The following DOP1B variants were observed in gnomAD, a reference collection of about 807,000 sequenced individuals.
The protein encoded by DOP1B is DOP1 leucine zipper like protein B, also known as protein DOP1B.
Under a neutral mutation model 233.5 loss-of-function variants are expected in DOP1B, and 174 were observed. That is an observed-to-expected ratio of 0.75 (90% CI 0.66 to 0.85). The LOEUF is 0.85. Ranked by LOEUF, DOP1B falls within the 40% of genes least tolerant of loss-of-function variation. The probability of loss-of-function intolerance (pLI) is 0.00; values close to 1 mark genes in which losing one functional copy is unlikely to be tolerated. For synonymous variants in DOP1B, 1,190 were observed against 1,185.6 expected (o/e 1.00, Z -0.08); for missense variants, 2,652 against 2,846.6 (o/e 0.93, Z 1.56).
Position 36,199,191 on chromosome 21 carries a change from A to G in DOP1B, c.260A>G (p.Tyr87Cys), listed in dbSNP as rs1203653162. The G allele has an allele frequency of 6.2e-7, 1 of 1,614,142 alleles. No homozygotes were observed. The highest frequency in any genetic ancestry group is 8.5e-7 in the Non-Finnish European group (1 of 1,180,020). ...GTCCACTTAAAAGCTCTGGAAACCT[A>G]CGAGATTATCTTTAAAATCGTGGGG... The part of the protein sequence containing the change: ...SGVHLKALET[Y>C]EIIFKIVGTK... The change falls in exon 3 of 37, where the codon TAC becomes TGC. Residue 87 changes from tyrosine to cysteine, a missense_variant. Physicochemically the swap from Tyr to Cys is radical, Grantham distance 194. Transcript: ENST00000691173.
At chr21:36,240,077 G>T (rs1239340354) in intron 18 of DOP1B, 122 bp downstream of exon 18, 4 of 1,193,670 alleles carry the variant, frequency 3.4e-6, no homozygotes, top group Non-Finnish European at 4.5e-6. Flanking sequence ...ATGGTACTTT[G>T]TAAATTGTGA....
Position 36,245,337 on chromosome 21 carries a change from C to T in DOP1B, c.3357C>T (p.His1119=), listed in dbSNP as rs147679165. ...HTESADTSSC[H]TDSENTSSFS... The stretch of plus-strand genomic sequence containing the variant: ...AGTCTGCAGATACAAGCTCCTGCCA[C>T]ACGGACAGCGAGAACACGTCCTCCT... Residue 1119 remains histidine (H), a synonymous_variant, in exon 19 of 37, where the codon CAC becomes CAT. Transcript: ENST00000691173. This position sits in a 1 kb window ranked among gnomAD's most constrained non-coding sequence, Gnocchi z 5.5. 1 of 1,614,108 alleles carries T rather than the reference C, an allele frequency of 6.2e-7. No individual in the cohort carries two copies. Among genetic ancestry groups the T allele is most frequent in the East Asian group, 2.2e-5 (1 of 44,878 alleles).
At chr21:36,218,523 CA>C (rs879638143) in intron 9 of DOP1B, among the ~76,000 whole-genome samples, 2 of 151,174 alleles carry the variant, frequency 1.3e-5, no homozygotes, top group Non-Finnish European at 3.0e-5. Context: ...ACTCTGTCTC[CA>C]AAAAAAATAA....
intron 33 of DOP1B, 30 bp from the exon 34 acceptor site, chr21:36,288,726 G>T: frequency 3.2e-6 from 5 of 1,550,346 alleles, no homozygotes; most frequent in Non-Finnish European, 3.5e-6. Flanking sequence ...ATCTGTCTCA[G>T]ATAGTAACTT....
At chr21:36,178,324 C>G (rs977318813) in intron 2 of DOP1B, among the ~76,000 whole-genome samples, 1 of 152,030 alleles carries the variant, frequency 6.6e-6, no homozygotes, top group African/African-American at 2.4e-5. Flanking sequence ...AACCCCATCT[C>G]TACAAAAACA....
intron 26 of DOP1B, among the ~76,000 whole-genome samples, chr21:36,267,552 C>A (rs1257313122): frequency 6.6e-6 from 1 of 151,470 alleles, no homozygotes; most frequent in African/African-American, 2.4e-5. Flanking sequence ...GATGTGGTGG[C>A]ATGCACCTGT....
chr21:36,260,339 C>G (rs146609879), intron 23 of DOP1B, among the ~76,000 whole-genome samples: 1 of 152,194 alleles, frequency 6.6e-6, no homozygotes, highest in Non-Finnish European at 1.5e-5. Flanking sequence ...CATATGCATT[C>G]ACTGGAGTCA....
intron 10 of DOP1B, among the ~76,000 whole-genome samples, chr21:36,221,003 G>T (rs979385756): frequency 6.6e-6 from 1 of 152,066 alleles, no homozygotes; most frequent in Admixed American, 6.6e-5. Flanking sequence ...TAGAGACAAG[G>T]TCTTGCTATG....
intron 2 of DOP1B, among the ~76,000 whole-genome samples, chr21:36,171,937 A>T (rs745508437): frequency 6.6e-6 from 1 of 152,202 alleles, no homozygotes; most frequent in African/African-American, 2.4e-5. Context: ...GTGATGTCAG[A>T]TGCTGAATGC....
intron 23 of DOP1B, among the ~76,000 whole-genome samples, chr21:36,256,657 C>T (rs756932838): frequency 3.3e-5 from 5 of 151,888 alleles, no homozygotes; most frequent in South Asian, 2.1e-4. Flanking sequence ...AATTCTGACA[C>T]GTGCTACACA....
chr21:36,251,221 G>C lies in DOP1B; in HGVS notation c.5058G>C (p.Gln1686His). The C allele has an allele frequency of 6.2e-7, 1 of 1,614,030 alleles. No homozygotes were observed. The highest frequency in any genetic ancestry group is 1.3e-5 in the African/African-American group (1 of 75,010). Residue 1686 changes from glutamine (Q) to histidine (H), a missense_variant, in exon 22 of 37, where the codon CAG (glutamine) becomes CAC (histidine). By Grantham distance (24) the Gln-to-His change is conservative. Transcript: ENST00000691173. The part of the protein sequence containing the change: ...LNPLTAHLGV[Q>H]LTAAVAAVWS... ...CCTTGACGGCCCATCTTGGGGTTCA[G>C]TTGACAGCGGCTGTTGCGGCAGTGT...
At position 36,278,242 on chromosome 21, in the gene DOP1B, T is replaced by C. The variant is rs2067376800; in HGVS notation, c.5856T>C (p.Ala1952=). 1 of 1,614,008 alleles carries C rather than the reference T, an allele frequency of 6.2e-7. No individual in the cohort carries two copies. The highest frequency in any genetic ancestry group is 8.5e-7 in the Non-Finnish European group (1 of 1,180,032). ...ATGCTCCCAGCTTCCGGGCTGGCGC[T>C]CAGCTGCTGAGCTCCCTGAGTGGCT... ...AYNAPSFRAG[A]QLLSSLSGYA... The change falls in exon 30 of 37, where the codon GCT becomes GCC. Residue 1952 remains alanine (A), a synonymous_variant. Coordinates refer to ENST00000691173, the MANE Select transcript of DOP1B (RefSeq NM_001320714.2).
chr21:36,162,016 G>C (rs1042716060), intron 1 of DOP1B, among the ~76,000 whole-genome samples: 1 of 152,150 alleles, frequency 6.6e-6, no homozygotes, highest in Admixed American at 6.6e-5. Context: ...GTTAATTCAG[G>C]CTGCTCCAAT....
intron 2 of DOP1B, among the ~76,000 whole-genome samples, chr21:36,178,661 G>A (rs2123425356): frequency 6.6e-6 from 1 of 152,210 alleles, no homozygotes; most frequent in East Asian, 1.9e-4. Flanking sequence ...TAATACAGAA[G>A]GAACTAAGTT....
intron 13 of DOP1B, 58 bp from the exon 14 acceptor site, chr21:36,230,392 A>T: frequency 6.6e-7 from 1 of 1,520,016 alleles, no homozygotes; most frequent in South Asian, 1.3e-5. Flanking sequence ...ATTTCAACTG[A>T]TACTTAAATA....
At position 36,280,463 on chromosome 21, in the gene DOP1B, CAA is replaced by C. The variant is rs886156049; in HGVS notation, c.6031+119_6031+120del. 3.5e-5 allele frequency: 23 copies of C among 650,384 alleles called. No individual in the cohort carries two copies. In the African/African-American group the frequency reaches 3.9e-4, roughly 11 times the overall value. 40.3% of individuals were successfully genotyped at this position (650,384 alleles called of 1,614,324 possible). On this transcript the variant is annotated intron_variant, in intron 31 of 36. Coordinates refer to ENST00000691173, the MANE Select transcript of DOP1B (RefSeq NM_001320714.2). Reference sequence around the variant, plus strand: ...CACTTTCATGGTGCTGTCTACGCCACAAAGACTGTAATGTGATGTTCATAATA... The same window carrying C: ...CACTTTCATGGTGCTGTCTACGCCACAGACTGTAATGTGATGTTCATAATA...
intron 27 of DOP1B, among the ~76,000 whole-genome samples, chr21:36,273,059 G>A (rs1460526686): frequency 6.7e-6 from 1 of 149,826 alleles, no homozygotes; most frequent in African/African-American, 2.5e-5. Context: ...TCGAGATGGC[G>A]TCACTGCACT....
At position 36,245,898 on chromosome 21, in the gene DOP1B, C is replaced by T. The variant is rs2123592487; in HGVS notation, c.3918C>T (p.Cys1306=). The change falls in exon 19 of 37, where the codon TGC becomes TGT. Residue 1306 remains cysteine (C), a synonymous_variant. Coordinates refer to ENST00000691173, the MANE Select transcript of DOP1B (RefSeq NM_001320714.2). The surrounding 1 kb of genome is among the most constrained non-coding windows in gnomAD (Gnocchi z 5.5). ...GKLQTQVPNV[C]PHSLLLELLT... is the part of the protein sequence containing the mutation. ...TCCAGACCCAGGTCCCCAACGTGTGCCCCCACTCTCTGCTCCTGGAGCTGC... is the reference window on the plus strand; with the variant it reads ...TCCAGACCCAGGTCCCCAACGTGTGTCCCCACTCTCTGCTCCTGGAGCTGC... 1 of 1,613,742 alleles carries T rather than the reference C, an allele frequency of 6.2e-7. No individual in the cohort carries two copies. The highest frequency in any genetic ancestry group is 1.3e-5 in the African/African-American group (1 of 75,030).
In DOP1B at chr21:36,270,055, G is replaced by T. The variant is rs142668714; in HGVS notation, c.5530G>T (p.Gly1844Cys). ...KILEAVGNIA[G>C]SSLEQTSWLS... ...CCTAGAAGCTGTGGGGAACATTGCC[G>T]GCTCTTCCTTGGAGCAAACCAGCTG... The change falls in exon 27 of 37, where the codon GGC becomes TGC. Residue 1844 changes from glycine (G) to cysteine (C), a missense_variant. Gly to Cys is a radical substitution (Grantham distance 159). Transcript: ENST00000691173. 1 of 1,613,902 alleles carries T rather than the reference G, an allele frequency of 6.2e-7. No individual in the cohort carries two copies. Among genetic ancestry groups the T allele is most frequent in the Non-Finnish European group, 8.5e-7 (1 of 1,180,008 alleles).
Sources: allele counts gnomAD v4.1 joint callset (sites outside exome capture counted in the v4.1 genomes callset), GRCh38; gene constraint gnomAD v4.1.1; non-coding constraint Gnocchi (gnomAD v3.1); transcripts MANE v1.5; gene names NCBI Gene and HGNC (gene_info 2026-07-23, HGNC 2026-07-21).